Variants in LEPR observed in about 807,000 individuals in gnomAD.
LEPR encodes the protein leptin receptor.
Under a neutral mutation model 114.7 loss-of-function variants are expected in LEPR, and 56 were observed. That is an observed-to-expected ratio of 0.49 (90% CI 0.39 to 0.61). The LOEUF (loss-of-function observed/expected upper bound fraction) is 0.61, where lower values mean the gene tolerates loss of function less well. Ranked by LOEUF, LEPR falls within the 20% of genes least tolerant of loss-of-function variation. The pLI, the probability that LEPR is intolerant of heterozygous loss-of-function variation, is 0.00. For synonymous variants in LEPR, 443 were observed against 461.4 expected (o/e 0.96, Z 0.51); for missense variants, 1,202 against 1,352.9 (o/e 0.89, Z 1.75).
chr1:65,447,548 T>C (rs1387005641), intron 2 of LEPR, among the ~76,000 whole-genome samples: 1 of 151,440 alleles, frequency 6.6e-6, no homozygotes, highest in Non-Finnish European at 1.5e-5. Flanking sequence ...TTTTTTTTTT[T>C]TGATACAGGG....
intron 10 of LEPR, among the ~76,000 whole-genome samples, chr1:65,604,148 T>C (rs1385651201): frequency 1.3e-5 from 2 of 152,106 alleles, no homozygotes; most frequent in Non-Finnish European, 2.9e-5. Context: ...TCTAACTGGA[T>C]CATTTTCTTC....
chr1:65,628,876 T>C (rs1396496230), intron 19 of LEPR, among the ~76,000 whole-genome samples: 1 of 152,184 alleles, frequency 6.6e-6, no homozygotes, highest in Non-Finnish European at 1.5e-5. Context: ...TATTTGAGTT[T>C]GGAAGACCAC....
intron 12 of LEPR, 144 bp from the exon 13 acceptor site, chr1:65,609,803 T>C: frequency 8.6e-7 from 1 of 1,160,692 alleles, no homozygotes; most frequent in Non-Finnish European, 1.3e-6. Context: ...AGCCTAATTG[T>C]GACTATTTCT....
At chr1:65,514,028 T>A (rs1449245806) in intron 2 of LEPR, among the ~76,000 whole-genome samples, 2 of 152,166 alleles carry the variant, frequency 1.3e-5, no homozygotes, top group African/African-American at 4.8e-5. Flanking sequence ...GTAAAAAAAA[T>A]TCCTTGGGGA....
chr1:65,610,457 C>T (rs1282412469), intron 14 of LEPR, among the ~76,000 whole-genome samples, 161 bp downstream of exon 14: 1 of 152,172 alleles, frequency 6.6e-6, no homozygotes, highest in African/African-American at 2.4e-5. Context: ...TGTACAGTGG[C>T]TGAAGCACTG....
Position 65,428,821 on chromosome 1 carries a change from C to T in LEPR, c.-21+3443C>T, listed in dbSNP as rs562046276. Among the ~76,000 whole-genome samples, 11 of 151,828 alleles carry T rather than the reference C, an allele frequency of 7.2e-5. No homozygotes were observed. In the South Asian group the frequency reaches 1.9e-3, roughly 26 times the overall value. On this transcript the variant is annotated intron_variant, in intron 2 of 19. Coordinates refer to ENST00000349533, the MANE Select transcript of LEPR (RefSeq NM_002303.6). The stretch of plus-strand genomic sequence containing the variant: ...CTGATAGAGAAAATACTGTTGGAAA[C>T]CAGATGGCAATTTTTTTTTTATAAT...
intron 2 of LEPR, among the ~76,000 whole-genome samples, chr1:65,468,127 C>T (rs1011807115): frequency 6.6e-6 from 1 of 152,272 alleles, no homozygotes. Context: ...GCATTGATCT[C>T]GCTGGAGCTG....
chr1:65,575,150 A>T (rs573824596), intron 5 of LEPR, among the ~76,000 whole-genome samples: 71 of 152,328 alleles, frequency 4.7e-4, no homozygotes, highest in Middle Eastern at 6.8e-3. Flanking sequence ...TAGGCAAAAC[A>T]GGAAGGATCA....
rs755748489 is a variant in LEPR at position 65,554,032 on chromosome 1, G to C, written c.-20-11514G>C. Among the ~76,000 whole-genome samples the C allele has an allele frequency of 1.3e-5, 2 of 152,184 alleles. 1 individual carries two copies. Among genetic ancestry groups the C allele is most frequent in the South Asian group, 4.1e-4 (2 of 4,830 alleles). ...CCCTGTTTGCCTGGGTATCACCAGC[G>C]GAGGCTGCAGACCAGCAAAGATTCC... On this transcript the variant is annotated intron_variant, in intron 2 of 19. Transcript: ENST00000349533.
intron 2 of LEPR, among the ~76,000 whole-genome samples, chr1:65,439,347 G>T (rs1194509618): frequency 6.6e-6 from 1 of 152,078 alleles, no homozygotes; most frequent in African/African-American, 2.4e-5. Context: ...TAAATCAATT[G>T]AATAGAATCA....
intron 5 of LEPR, among the ~76,000 whole-genome samples, chr1:65,587,407 A>T (rs1655382213): frequency 6.6e-6 from 1 of 152,098 alleles, no homozygotes; most frequent in African/African-American, 2.4e-5. Context: ...CGAAAGTGCT[A>T]AATCAGGCTA....
At chr1:65,549,974 T>C (rs1398683945) in intron 2 of LEPR, among the ~76,000 whole-genome samples, 1 of 152,200 alleles carries the variant, frequency 6.6e-6, no homozygotes, top group African/African-American at 2.4e-5. Flanking sequence ...CTGATGGTGA[T>C]GTACAGATTG....
At chr1:65,461,219 C>A (rs1263728133) in intron 2 of LEPR, among the ~76,000 whole-genome samples, 1 of 152,144 alleles carries the variant, frequency 6.6e-6, no homozygotes, top group Non-Finnish European at 1.5e-5. Flanking sequence ...AAGATATCCG[C>A]CTGCCTCGGC....
chr1:65,614,100 A>G (rs1657381264), intron 14 of LEPR, among the ~76,000 whole-genome samples: 1 of 152,158 alleles, frequency 6.6e-6, no homozygotes, highest in Non-Finnish European at 1.5e-5. Context: ...CATCCTAGGT[A>G]TTTACTCAGC....
At chr1:65,636,158 T>G (rs1387862638) in intron 19 of LEPR, 33 bp from the exon 20 acceptor site, 2 of 1,612,800 alleles carry the variant, frequency 1.2e-6, no homozygotes, top group Non-Finnish European at 1.7e-6. Context: ...TTTTTTAACA[T>G]AATTGAGCCT....
At position 65,519,822 on chromosome 1, in the gene LEPR, C is replaced by A. The variant is rs1305591906; in HGVS notation, c.-20-45724C>A. 2.0e-5 allele frequency among the ~76,000 whole-genome samples: 3 copies of A among 151,888 alleles called. No homozygotes were observed. The East Asian group carries it at 5.9e-4, about 30-fold the overall frequency. ...TAGCTAAAATTACAGGTCTGCCCCA[C>A]CAAGCCTGGCTAATTTACAAAAAAA... On this transcript the variant is annotated intron_variant, in intron 2 of 19. Transcript: ENST00000349533.
At chr1:65,611,781 C>T (rs1657186335) in intron 14 of LEPR, among the ~76,000 whole-genome samples, 1 of 152,206 alleles carries the variant, frequency 6.6e-6, no homozygotes, top group Non-Finnish European at 1.5e-5. Context: ...AATATGGTAG[C>T]AACCAGCCAC....
chr1:65,442,925 A>T (rs1646667978), intron 2 of LEPR, among the ~76,000 whole-genome samples: 1 of 152,188 alleles, frequency 6.6e-6, no homozygotes, highest in African/African-American at 2.4e-5. Context: ...AGGATCCTGA[A>T]TCACTGACCT....
chr1:65,423,280 G>A (rs1188512201), intron 1 of LEPR, among the ~76,000 whole-genome samples: 1 of 152,108 alleles, frequency 6.6e-6, no homozygotes, highest in African/African-American at 2.4e-5. Flanking sequence ...TAAGTTTTCA[G>A]CAGGAGTGCG....
Sources: allele counts gnomAD v4.1 joint callset (sites outside exome capture counted in the v4.1 genomes callset), GRCh38; gene constraint gnomAD v4.1.1; transcripts MANE v1.5; gene names NCBI Gene and HGNC (gene_info 2026-07-23, HGNC 2026-07-21).